Variants in TCF7L2 observed in about 807,000 individuals in gnomAD.
TCF7L2 encodes the protein transcription factor 7 like 2.
TCF7L2 carries 23 observed loss-of-function variants against 77.9 expected under a neutral mutation model. The observed-to-expected ratio is 0.30, with a 90% confidence interval of 0.21 to 0.42. The LOEUF is 0.42. TCF7L2 is among the 10% of genes least tolerant of loss of function. TCF7L2 has a pLI of 1.00. For synonymous variants in TCF7L2, 413 were observed against 340.2 expected, an observed-to-expected ratio of 1.21 and a Z score of -2.36; for missense variants, 654 against 793.1, an observed-to-expected ratio of 0.82 and a Z score of 2.11.
intron 3 of TCF7L2, among the ~76,000 whole-genome samples, chr10:112,955,868 ATT>A (rs2033424267): frequency 6.6e-6 from 1 of 152,150 alleles, no homozygotes; most frequent in African/African-American, 2.4e-5. Context: ...GAAAACTAGC[ATT>A]TTAATAGTTG....
At chr10:112,964,822 T>TGGTGGTGG (rs1554875168) in intron 4 of TCF7L2, among the ~76,000 whole-genome samples, 198 bp downstream of exon 4, 25 of 73,612 alleles carry the variant, frequency 3.4e-4, no homozygotes, top group East Asian at 1.2e-3. Flanking sequence ...TGGGGGGGGG[T>TGGTGGTGG]TGAATCACTG....
intron 4 of TCF7L2, among the ~76,000 whole-genome samples, chr10:113,021,736 C>T (rs2048295751): frequency 6.6e-6 from 1 of 152,258 alleles, no homozygotes; most frequent in African/African-American, 2.4e-5. Flanking sequence ...ACTGAACTCT[C>T]CACGTGTGTG....
chr10:112,966,184 T>TATATATATATA (rs2036754580), intron 4 of TCF7L2, among the ~76,000 whole-genome samples: 4 of 114,230 alleles, frequency 3.5e-5, no homozygotes, highest in African/African-American at 1.9e-4. Context: ...TAAAATATAT[T>TATATATATATA]TATATATATA....
chr10:112,964,009 G>T (rs1451997416), intron 3 of TCF7L2, among the ~76,000 whole-genome samples: 1 of 152,142 alleles, frequency 6.6e-6, no homozygotes, highest in African/African-American at 2.4e-5. Context: ...TAAGGCATCG[G>T]GTGGCCCCTG....
At position 113,166,070 on chromosome 10, in the gene TCF7L2, T is replaced by C. The variant is rs1489139141; in HGVS notation, c.*98T>C. The C allele has an allele frequency of 1.6e-6, 2 of 1,212,338 alleles. No individual in the cohort carries two copies. Among genetic ancestry groups the C allele is most frequent in the African/African-American group, 1.6e-5 (1 of 64,380 alleles). The allele number at this position is 1,212,338 out of a possible 1,614,324, so 75.1% of individuals were successfully genotyped here. Reference sequence around the variant, plus strand: ...CCTTGAAAGGTTTTGTTTTGTACTCTCTTAATTTTGTGCCATGTGGCTACA... The same window carrying C: ...CCTTGAAAGGTTTTGTTTTGTACTCCCTTAATTTTGTGCCATGTGGCTACA... On this transcript the variant is annotated 3_prime_UTR_variant, in exon 14 of 14. Coordinates refer to ENST00000627217, the MANE Select transcript of TCF7L2 (RefSeq NM_001146274.2).
chr10:113,117,776 T>TA (rs1313636921), intron 5 of TCF7L2, among the ~76,000 whole-genome samples: 10 of 152,072 alleles, frequency 6.6e-5, no homozygotes, highest in Non-Finnish European at 1.3e-4. Context: ...TGGAAGCAAC[T>TA]AAAAAATGTC....
At chr10:112,962,937 G>C (rs896495226) in intron 3 of TCF7L2, among the ~76,000 whole-genome samples, 1 of 152,142 alleles carries the variant, frequency 6.6e-6, no homozygotes, top group Non-Finnish European at 1.5e-5. Context: ...GTATGTGTGG[G>C]GGGCTGTGTG....
In TCF7L2 at chr10:113,165,729, G is replaced by A. The variant is rs1370556184; in HGVS notation, c.1566G>A (p.Lys522=). 7 of 1,610,026 alleles carry A rather than the reference G, an allele frequency of 4.3e-6. No homozygotes were observed. The highest frequency in any genetic ancestry group is 1.4e-5 in the African/African-American group (1 of 73,572). Residue 522 remains lysine (K), a synonymous_variant, in exon 14 of 14, where the codon AAG becomes AAA. Coordinates refer to ENST00000627217, the MANE Select transcript of TCF7L2 (RefSeq NM_001146274.2). ...CCCAGCCTCTGTCGCTGTCCCTGAA[G>A]CCCGACCCCCTGGCCCACCTGTCCA...
chr10:112,987,409 G>A (rs1031059731), intron 4 of TCF7L2: 11 of 138,368 alleles, frequency 7.9e-5, no homozygotes, highest in African/African-American at 9.1e-5. Flanking sequence ...CTTCCAGGAA[G>A]CAGAAGTTTT....
chr10:113,148,148 T>C (rs981301776), intron 8 of TCF7L2, among the ~76,000 whole-genome samples: 3 of 152,166 alleles, frequency 2.0e-5, no homozygotes, highest in African/African-American at 7.2e-5. Context: ...TGGGTCATTA[T>C]ACTTTAAACA....
intron 5 of TCF7L2, among the ~76,000 whole-genome samples, chr10:113,095,984 G>A (rs753670030): frequency 1.3e-5 from 2 of 152,194 alleles, no homozygotes; most frequent in Admixed American, 6.5e-5. Context: ...GGCCTTTGGT[G>A]TGTGACATGT....
chr10:113,136,934 T>C (rs896083234), intron 5 of TCF7L2, among the ~76,000 whole-genome samples: 1 of 152,106 alleles, frequency 6.6e-6, no homozygotes, highest in Non-Finnish European at 1.5e-5. Context: ...ATCTTTCTGT[T>C]TGGATTCTTT....
chr10:113,166,395 A>C lies in TCF7L2; in HGVS notation c.*423A>C, dbSNP rs2074041455. 1 of 230,894 alleles carries C rather than the reference A, an allele frequency of 4.3e-6. No individual in the cohort carries two copies. Among genetic ancestry groups the C allele is most frequent in the African/African-American group, 2.2e-5 (1 of 45,134 alleles). The allele number at this position is 230,894 out of a possible 1,614,324, so 14.3% of individuals were successfully genotyped here. Reference sequence around the variant, plus strand: ...TGTATTAAATACGAGCTTGCGAACCAATCATTTTACATCTGGTTTTTAAAC... The same window carrying C: ...TGTATTAAATACGAGCTTGCGAACCCATCATTTTACATCTGGTTTTTAAAC... On this transcript the variant is annotated 3_prime_UTR_variant, in exon 14 of 14. Coordinates refer to ENST00000627217, the MANE Select transcript of TCF7L2 (RefSeq NM_001146274.2).
intron 4 of TCF7L2, among the ~76,000 whole-genome samples, chr10:112,975,266 A>G (rs1042734696): frequency 6.6e-6 from 1 of 152,182 alleles, no homozygotes; most frequent in African/African-American, 2.4e-5. Context: ...GGGTGCAGCT[A>G]GGAAAATACT....
chr10:113,145,347 G>A (rs988766312), intron 7 of TCF7L2, among the ~76,000 whole-genome samples: 1 of 152,138 alleles, frequency 6.6e-6, no homozygotes, highest in African/African-American at 2.4e-5. Context: ...TAGATAAAAA[G>A]GAATAGCCAA....
intron 4 of TCF7L2, among the ~76,000 whole-genome samples, chr10:112,992,718 A>T (rs2042790382): frequency 6.7e-6 from 1 of 148,684 alleles, no homozygotes; most frequent in South Asian, 2.1e-4. Flanking sequence ...CTCCAAGCAG[A>T]CCCCCTCTGT....
chr10:113,010,369 G>A (rs2046253802), intron 4 of TCF7L2, among the ~76,000 whole-genome samples: 1 of 152,164 alleles, frequency 6.6e-6, no homozygotes, highest in Non-Finnish European at 1.5e-5. Context: ...AATGCCCGGG[G>A]CCCACTTTGG....
At position 113,079,578 on chromosome 10, in the gene TCF7L2, T is replaced by A. The variant is rs113267365; in HGVS notation, c.552+39452T>A. ...GGAACCCTCAACAATCTTTAAGAGA[T>A]CCCTAAAAACTGAGGGTTGTTTCAG... On this transcript the variant is annotated intron_variant, in intron 5 of 13. Coordinates refer to ENST00000627217, the MANE Select transcript of TCF7L2 (RefSeq NM_001146274.2). 6.5e-3 allele frequency among the ~76,000 whole-genome samples: 997 copies of A among 152,302 alleles called. 6 individuals carry two copies. The highest frequency in any genetic ancestry group is 0.012 in the Non-Finnish European group (786 of 68,028).
intron 5 of TCF7L2, among the ~76,000 whole-genome samples, chr10:113,079,132 C>T (rs1461789830): frequency 6.6e-6 from 1 of 152,224 alleles, no homozygotes; most frequent in Non-Finnish European, 1.5e-5. Flanking sequence ...GTGCGCTGGG[C>T]CAGCCACAGC....
Sources: gnomAD v4.1 joint callset for allele counts (sites outside exome capture counted in the v4.1 genomes callset) on GRCh38, gnomAD v4.1.1 for gene constraint, MANE v1.5 for transcripts, NCBI Gene and HGNC (gene_info 2026-07-23, HGNC 2026-07-21) for gene names.